EIF5B: variants seen among roughly 807,000 people sequenced by gnomAD.
EIF5B encodes the protein eukaryotic translation initiation factor 5B.
Under a neutral mutation model 147.5 loss-of-function variants are expected in EIF5B, and 47 were observed. That is an observed-to-expected ratio of 0.32 (90% CI 0.25 to 0.41). The LOEUF is 0.41. Ranked by LOEUF, EIF5B falls within the 10% of genes least tolerant of loss-of-function variation. The pLI, the probability that EIF5B is intolerant of heterozygous loss-of-function variation, is 1.00. For missense variants in EIF5B, 1,064 were observed against 1,413.2 expected (o/e 0.75, Z 3.96); for synonymous variants, 455 against 456.2 (o/e 1.00, Z 0.03).
Position 99,350,001 on chromosome 2 carries a change from TC to T in EIF5B, c.36-10234del, listed in dbSNP as rs1338373633. Among the ~76,000 whole-genome samples the T allele has an allele frequency of 3.3e-5, 5 of 152,216 alleles. No homozygotes were observed. The East Asian group carries it at 9.6e-4, about 29-fold the overall frequency. On this transcript the variant is annotated intron_variant, in intron 1 of 23. Transcript: ENST00000289371. ...TATTCTACTCTTTACTTTTATGAAA[TC>T]AACTTTTTTTGATTCCACATATGAA...
At chr2:99,353,791 TGAG>T (rs1674035598) in intron 1 of EIF5B, among the ~76,000 whole-genome samples, 4 of 152,240 alleles carry the variant, frequency 2.6e-5, no homozygotes, top group African/African-American at 9.6e-5. Context: ...TATGACCTTT[TGAG>T]GTTGGCTTCT....
chr2:99,393,495 C>A (rs1413530367), intron 18 of EIF5B, among the ~76,000 whole-genome samples: 3 of 151,580 alleles, frequency 2.0e-5, no homozygotes, highest in Non-Finnish European at 4.4e-5. Flanking sequence ...GACAGCAGGA[C>A]CCTGTCTAAA....
At chr2:99,357,985 C>T (rs1486381835) in intron 1 of EIF5B, among the ~76,000 whole-genome samples, 1 of 152,174 alleles carries the variant, frequency 6.6e-6, no homozygotes, top group Non-Finnish European at 1.5e-5. Context: ...TTTCTCATTA[C>T]AGTTACTACA....
chr2:99,348,361 G>A (rs572013197), intron 1 of EIF5B, among the ~76,000 whole-genome samples: 12 of 152,324 alleles, frequency 7.9e-5, no homozygotes, highest in Admixed American at 4.6e-4. Context: ...AGAGAGTTGA[G>A]AGTGAAAACT....
Position 99,390,551 on chromosome 2 carries a change from C to G in EIF5B, c.2594C>G (p.Ala865Gly), listed in dbSNP as rs2104246606. Residue 865 changes from alanine to glycine, a missense_variant, in exon 17 of 24, where the codon GCT becomes GGT. Transcript: ENST00000289371. ...ELRAQVMEVK[A>G]LPGMGTTIDV... is the part of the protein sequence containing the mutation. ...TGCATTAATGCCTTTTAGGTTAAAG[C>G]TCTCCCGGGGATGGGCACCACTATA... The G allele has an allele frequency of 6.2e-7, 1 of 1,605,630 alleles. No individual in the cohort carries two copies. The highest frequency in any genetic ancestry group is 2.2e-5 in the East Asian group (1 of 44,608).
At chr2:99,384,347 A>G (rs2104234224) in intron 14 of EIF5B, among the ~76,000 whole-genome samples, 1 of 152,280 alleles carries the variant, frequency 6.6e-6, no homozygotes, top group South Asian at 2.1e-4. Context: ...ATTGCTTTCA[A>G]TATATTACTG....
chr2:99,398,594 A>C, intron 22 of EIF5B, 154 bp from the exon 23 acceptor site: 1 of 730,236 alleles, frequency 1.4e-6, no homozygotes, highest in Non-Finnish European at 2.2e-6. Context: ...AGCCTAGTTT[A>C]CCAAAATGTT....
chr2:99,390,844 T>G, intron 17 of EIF5B, 139 bp downstream of exon 17: 1 of 959,576 alleles, frequency 1.0e-6, no homozygotes, highest in East Asian at 2.6e-5. Context: ...TTATTTTAGT[T>G]GTCATCATAC....
At chr2:99,391,729 C>CT (rs759464054) in intron 17 of EIF5B, among the ~76,000 whole-genome samples, 4,509 of 129,772 alleles carry the variant, frequency 0.035, 256 homozygotes, top group Admixed American at 0.13. Context: ...ATAGCTGGCT[C>CT]TTTTTTTTTT....
chr2:99,343,936 T>G (rs1333540000), intron 1 of EIF5B, among the ~76,000 whole-genome samples: 8 of 152,048 alleles, frequency 5.3e-5, no homozygotes, highest in African/African-American at 1.7e-4. Context: ...TTTTTTTTTT[T>G]GAGACGGAGT....
chr2:99,366,034 A>G (rs1225459861), intron 6 of EIF5B, among the ~76,000 whole-genome samples: 1 of 152,188 alleles, frequency 6.6e-6, no homozygotes, highest in Non-Finnish European at 1.5e-5. Context: ...TTGCTCTGAA[A>G]TGTGCAGCAG....
chr2:99,354,289 C>T (rs1455310153), intron 1 of EIF5B, among the ~76,000 whole-genome samples: 1 of 152,042 alleles, frequency 6.6e-6, no homozygotes, highest in Non-Finnish European at 1.5e-5. Context: ...TTTGCATTTC[C>T]CAAATAGCTA....
Position 99,337,468 on chromosome 2 carries a change from T to C in EIF5B, c.-87T>C, listed in dbSNP as rs2094245561. 6 of 1,540,662 alleles carry C rather than the reference T, an allele frequency of 3.9e-6. No individual in the cohort carries two copies. In the East Asian group the frequency reaches 7.2e-5, roughly 19 times the overall value. ...GGCGGCAGCACGAGGGGAAAAGAGCTGAGCGGAGACCAAAGTCAGCCGGGA... is the reference window on the plus strand; with the variant it reads ...GGCGGCAGCACGAGGGGAAAAGAGCCGAGCGGAGACCAAAGTCAGCCGGGA... On this transcript the variant is annotated 5_prime_UTR_variant, in exon 1 of 24. It removes the in-frame stop codon of an upstream open reading frame in the 5' UTR. Coordinates refer to ENST00000289371, the MANE Select transcript of EIF5B (RefSeq NM_015904.4).
rs762150020 is a variant in EIF5B at position 99,361,612 on chromosome 2, G to T, written c.711G>T (p.Glu237Asp). ...TVAQKKAEKK[E>D]RERKKRDEEK... ...CCCAAAAGAAGGCAGAAAAGAAGGAGCGCGAGAGAAAAAAGCGAGATGAAG... is the reference window on the plus strand; with the variant it reads ...CCCAAAAGAAGGCAGAAAAGAAGGATCGCGAGAGAAAAAAGCGAGATGAAG... The change falls in exon 4 of 24, where the codon GAG becomes GAT. Residue 237 changes from glutamate to aspartate, a missense_variant. Coordinates refer to ENST00000289371, the MANE Select transcript of EIF5B (RefSeq NM_015904.4). 2 of 1,595,702 alleles carry T rather than the reference G, an allele frequency of 1.3e-6. No homozygotes were observed. Among genetic ancestry groups the T allele is most frequent in the South Asian group, 2.3e-5 (2 of 86,022 alleles).
intron 17 of EIF5B, 113 bp from the exon 18 acceptor site, chr2:99,392,854 G>T: frequency 1.1e-6 from 1 of 942,874 alleles, no homozygotes. Context: ...ATTGCTTTTT[G>T]TGCCTCGTTT....
At chr2:99,341,626 T>C (rs1368155405) in intron 1 of EIF5B, among the ~76,000 whole-genome samples, 1 of 152,222 alleles carries the variant, frequency 6.6e-6, no homozygotes, top group Non-Finnish European at 1.5e-5. Flanking sequence ...CCTAGACTCC[T>C]TTACACTCTT....
intron 12 of EIF5B, among the ~76,000 whole-genome samples, chr2:99,379,972 A>C (rs2104224793): frequency 6.6e-6 from 1 of 152,324 alleles, no homozygotes. Flanking sequence ...TTCCAATCAA[A>C]GATCTCTTCT....
chr2:99,351,849 C>T (rs1673974393), intron 1 of EIF5B, among the ~76,000 whole-genome samples: 1 of 152,096 alleles, frequency 6.6e-6, no homozygotes, highest in African/African-American at 2.4e-5. Context: ...AGGCACGAGC[C>T]ACCATGCCCA....
intron 1 of EIF5B, among the ~76,000 whole-genome samples, chr2:99,354,737 T>G (rs1352495657): frequency 6.6e-6 from 1 of 152,008 alleles, no homozygotes; most frequent in Non-Finnish European, 1.5e-5. Flanking sequence ...GCTGTAGCAC[T>G]GTTTGTTAAA....
Sources: gnomAD v4.1 joint callset for allele counts (sites outside exome capture counted in the v4.1 genomes callset) on GRCh38, gnomAD v4.1.1 for gene constraint, MANE v1.5 for transcripts, NCBI Gene and HGNC (gene_info 2026-07-23, HGNC 2026-07-21) for gene names.